CRY1: variants seen among roughly 807,000 people sequenced by gnomAD.
The protein encoded by CRY1 is cryptochrome-1.
In CRY1, 45 loss-of-function variants were observed where a neutral mutation model predicts 76.0. The observed-to-expected ratio is 0.59, with a 90% CI of 0.47 to 0.76. The LOEUF (loss-of-function observed/expected upper bound fraction) is 0.76. Ranked by LOEUF, CRY1 falls within the 30% of genes least tolerant of loss-of-function variation. CRY1 has a pLI of 0.00. For missense variants in CRY1, 587 were observed against 716.4 expected, an observed-to-expected ratio of 0.82 and a Z score of 2.06; for synonymous variants, 248 against 244.0, an observed-to-expected ratio of 1.02 and a Z score of -0.15.
At chr12:107,074,831 A>T (rs1241250294) in intron 1 of CRY1, among the ~76,000 whole-genome samples, 2 of 152,178 alleles carry the variant, frequency 1.3e-5, no homozygotes, top group Non-Finnish European at 2.9e-5. Flanking sequence ...CCTGGCCAAC[A>T]TGATGAAACC....
chr12:107,030,143 T>G (rs1396463428), intron 1 of CRY1, among the ~76,000 whole-genome samples: 1 of 152,102 alleles, frequency 6.6e-6, no homozygotes, highest in Non-Finnish European at 1.5e-5. Context: ...ACTAAATAAA[T>G]TAATGAAAGC....
chr12:106,998,659 A>AACACACACACACACACACACACACAC (rs10522970), intron 7 of CRY1, among the ~76,000 whole-genome samples: 1 of 143,440 alleles, frequency 7.0e-6, no homozygotes, highest in Middle Eastern at 3.5e-3. Flanking sequence ...TAAGAGATTA[A>AACACACACACACACACACACACACAC]ACACACACAC....
At chr12:107,065,461 G>C (rs1953098474) in intron 1 of CRY1, among the ~76,000 whole-genome samples, 1 of 152,062 alleles carries the variant, frequency 6.6e-6, no homozygotes, top group African/African-American at 2.4e-5. Context: ...CAAGCGTGGT[G>C]GTGCACGCCT....
rs74800917 is a variant in CRY1 at position 107,047,156 on chromosome 12, A to C, written c.159-24964T>G. Among the ~76,000 whole-genome samples the C allele has an allele frequency of 4.0e-3, 616 of 152,350 alleles. 10 individuals are homozygous for C. Among genetic ancestry groups the C allele is most frequent in the African/African-American group, 0.014 (596 of 41,584 alleles). On this transcript the variant is annotated intron_variant, in intron 1 of 12. Transcript: ENST00000008527. The stretch of plus-strand genomic sequence containing the variant: ...AACAAGACACAACAAATTTAAGATA[A>C]CTGAAATCATATCAAGTATCTTTTC...
intron 1 of CRY1, among the ~76,000 whole-genome samples, chr12:107,022,595 A>G (rs1447764722): frequency 6.6e-6 from 1 of 151,880 alleles, no homozygotes; most frequent in African/African-American, 2.4e-5. Context: ...TGCTGGGGGG[A>G]AAAAACCAGA....
At chr12:107,038,582 G>A (rs897417190) in intron 1 of CRY1, among the ~76,000 whole-genome samples, 7 of 152,102 alleles carry the variant, frequency 4.6e-5, no homozygotes, top group African/African-American at 1.2e-4. Flanking sequence ...GAAGACTAAC[G>A]GAATATAAAA....
intron 2 of CRY1, among the ~76,000 whole-genome samples, chr12:107,008,432 T>G (rs1443251542): frequency 6.6e-6 from 1 of 152,180 alleles, no homozygotes; most frequent in African/African-American, 2.4e-5. Context: ...GGTAAATTAC[T>G]GAATACGTAA....
At position 107,087,289 on chromosome 12, in the gene CRY1, T is replaced by G. The variant is rs145792883; in HGVS notation, c.158+5515A>C. ...GTGGAAAGTGAGGAAGTGGAAAGAT[T>G]AAAAGAATCCTTTGGATGAAAACAG... On this transcript the variant is annotated intron_variant, in intron 1 of 12. Transcript: ENST00000008527. Among the ~76,000 whole-genome samples the G allele has an allele frequency of 1.6e-4, 25 of 151,936 alleles. No homozygotes were observed. In the East Asian group the frequency reaches 4.6e-3, roughly 28 times the overall value.
intron 3 of CRY1, among the ~76,000 whole-genome samples, chr12:107,004,094 C>T (rs1330338447): frequency 2.0e-5 from 3 of 152,124 alleles, no homozygotes; most frequent in Non-Finnish European, 4.4e-5. Flanking sequence ...TGTGAGCCAT[C>T]GCGCCTAGCC....
chr12:107,092,797 G>A lies in CRY1; in HGVS notation c.158+7C>T. The A allele has an allele frequency of 2.5e-6, 4 of 1,611,428 alleles. No homozygotes were observed. The highest frequency in any genetic ancestry group is 3.4e-6 in the Non-Finnish European group (4 of 1,179,738). ...CCAAATCCATTTCCCACGGGCTTGT[G>A]ACTCACCGCCACCTGTTGATGCCCA... On this transcript the variant is annotated splice_region_variant and intron_variant, in intron 1 of 12. Coordinates refer to ENST00000008527, the MANE Select transcript of CRY1 (RefSeq NM_004075.5).
intron 1 of CRY1, among the ~76,000 whole-genome samples, chr12:107,081,899 C>T (rs914792244): frequency 1.3e-5 from 2 of 151,926 alleles, no homozygotes; most frequent in African/African-American, 4.8e-5. Context: ...AACTTGATCT[C>T]TAATACTGCA....
At chr12:107,063,766 T>A (rs1953077523) in intron 1 of CRY1, among the ~76,000 whole-genome samples, 2 of 152,078 alleles carry the variant, frequency 1.3e-5, no homozygotes, top group African/African-American at 4.8e-5. Flanking sequence ...CCCAGCTAAT[T>A]TTTGTACTTT....
chr12:107,087,697 G>T (rs1953419697), intron 1 of CRY1, among the ~76,000 whole-genome samples: 1 of 152,190 alleles, frequency 6.6e-6, no homozygotes, highest in Non-Finnish European at 1.5e-5. Context: ...ACTTTGAGTT[G>T]ATGTTGAAAC....
Position 107,001,934 on chromosome 12 carries a change from T to C in CRY1, c.425A>G (p.Asn142Ser). 2 of 1,593,380 alleles carry C rather than the reference T, an allele frequency of 1.3e-6. No homozygotes were observed. The highest frequency in any genetic ancestry group is 1.2e-5 in the South Asian group (1 of 86,222). ...LYDLDKIIEL[N>S]GGQPPLTYKR... Reference sequence around the variant, plus strand: ...ATAAGTTAGAGGCGGTTGTCCACCATTGAGTTCTATGATCCTATAACAAGA... The same window carrying C: ...ATAAGTTAGAGGCGGTTGTCCACCACTGAGTTCTATGATCCTATAACAAGA... The change falls in exon 4 of 13, where the codon AAT (asparagine) becomes AGT (serine). Residue 142 changes from asparagine to serine, a missense_variant. Coordinates refer to ENST00000008527, the MANE Select transcript of CRY1 (RefSeq NM_004075.5).
chr12:107,057,483 A>G (rs1565838876), intron 1 of CRY1, among the ~76,000 whole-genome samples: 2 of 152,216 alleles, frequency 1.3e-5, no homozygotes, highest in African/African-American at 2.4e-5. Flanking sequence ...CTTTCTCTCC[A>G]AAGTTTTCTC....
At position 106,993,021 on chromosome 12, in the gene CRY1, C is replaced by T; in HGVS notation, c.1601G>A (p.Ser534Asn). The T allele has an allele frequency of 6.2e-7, 1 of 1,614,058 alleles. No individual in the cohort carries two copies. Among genetic ancestry groups the T allele is most frequent in the African/African-American group, 1.3e-5 (1 of 75,062 alleles). ...GCCATGAGCATAGTGTAAAATACCA[C>T]TCCCTTGAGAGCAACCTGTTAGTAT... is the stretch of plus-strand genomic sequence containing the variant. Reference protein sequence around the residue: ...CSSSGSCSQGSGILHYAHGDS... With the variant: ...CSSSGSCSQGNGILHYAHGDS... Residue 534 changes from serine (S) to asparagine (N), a missense_variant, in exon 11 of 13, where the codon AGT becomes AAT. By Grantham distance (46) the Ser-to-Asn change is conservative. Coordinates refer to ENST00000008527, the MANE Select transcript of CRY1 (RefSeq NM_004075.5).
intron 1 of CRY1, among the ~76,000 whole-genome samples, chr12:107,088,952 T>A (rs1321504091): frequency 2.6e-5 from 4 of 152,348 alleles, no homozygotes; most frequent in South Asian, 4.1e-4. Flanking sequence ...CCTCTCTCTA[T>A]ACATTTGCCC....
In CRY1 at chr12:107,082,716, G is replaced by A. The variant is rs541532888; in HGVS notation, c.158+10088C>T. The stretch of plus-strand genomic sequence containing the variant: ...AGCAGTGTTAAGAGGGAAATTTATA[G>A]CACTAAATGTCCATATCAGAAAGCA... On this transcript the variant is annotated intron_variant, in intron 1 of 12. Transcript: ENST00000008527. Among the ~76,000 whole-genome samples, 71 of 152,288 alleles carry A rather than the reference G, an allele frequency of 4.7e-4. No individual in the cohort carries two copies. The South Asian group carries it at 7.1e-3, about 15-fold the overall frequency.
chr12:107,011,912 C>T (rs968487487), intron 2 of CRY1, among the ~76,000 whole-genome samples: 19 of 152,258 alleles, frequency 1.2e-4, no homozygotes, highest in African/African-American at 4.3e-4. Flanking sequence ...AATGCCAGGC[C>T]AGGCACTGTG....
Sources: gnomAD v4.1 joint callset for allele counts (sites outside exome capture counted in the v4.1 genomes callset) on GRCh38, gnomAD v4.1.1 for gene constraint, MANE v1.5 for transcripts, NCBI Gene and HGNC (gene_info 2026-07-23, HGNC 2026-07-21) for gene names.